Variants in TLN2 observed in about 807,000 individuals in gnomAD.
The protein encoded by TLN2 is talin 2.
Under a neutral mutation model 294.7 loss-of-function variants are expected in TLN2, and 118 were observed. That is an observed-to-expected ratio of 0.40 (90% CI 0.34 to 0.47). The LOEUF is 0.47. Ranked by LOEUF, TLN2 falls within the 20% of genes least tolerant of loss-of-function variation. The pLI, the probability that TLN2 is intolerant of heterozygous loss-of-function variation, is 0.84. For synonymous variants in TLN2, 1,431 were observed against 1,304.5 expected, an observed-to-expected ratio of 1.10 and a Z score of -2.09; for missense variants, 3,083 against 3,282.2, an observed-to-expected ratio of 0.94 and a Z score of 1.48.
At chr15:62,687,235 A>G (rs1405756481) in intron 12 of TLN2, among the ~76,000 whole-genome samples, 1 of 152,244 alleles carries the variant, frequency 6.6e-6, no homozygotes, top group African/African-American at 2.4e-5. Flanking sequence ...AAGAGAGCAT[A>G]GTACACAGTG....
intron 42 of TLN2, among the ~76,000 whole-genome samples, chr15:62,775,164 G>A (rs2063623059): frequency 6.6e-6 from 1 of 152,024 alleles, no homozygotes; most frequent in East Asian, 1.9e-4. Context: ...CACTGTGTTA[G>A]CCAGGATGGT....
intron 1 of TLN2, among the ~76,000 whole-genome samples, chr15:62,551,117 G>A (rs2140555315): frequency 6.6e-6 from 1 of 152,198 alleles, no homozygotes; most frequent in African/African-American, 2.4e-5. Context: ...TCACAATAGG[G>A]TTTGCAATCC....
intron 54 of TLN2, chr15:62,831,223 T>C (rs1004909064): frequency 5.9e-5 from 9 of 151,932 alleles, no homozygotes; most frequent in African/African-American, 1.7e-4. Flanking sequence ...TTCCACACTG[T>C]AAAGTGGACT....
chr15:62,747,621 T>C (rs573941136), intron 32 of TLN2, among the ~76,000 whole-genome samples: 139 of 152,334 alleles, frequency 9.1e-4, no homozygotes, highest in African/African-American at 3.2e-3. Context: ...GAATTCTTTC[T>C]TATGAATGTA....
At chr15:62,725,288 T>C (rs541852145) in intron 27 of TLN2, among the ~76,000 whole-genome samples, 184 bp downstream of exon 27, 1 of 152,330 alleles carries the variant, frequency 6.6e-6, no homozygotes, top group East Asian at 1.9e-4. Context: ...AGCGCTGGAT[T>C]CTACACTCAG....
intron 1 of TLN2, among the ~76,000 whole-genome samples, chr15:62,514,481 G>C (rs1408981877): frequency 6.6e-6 from 1 of 152,182 alleles, no homozygotes; most frequent in African/African-American, 2.4e-5. Context: ...AGGCAGATGA[G>C]CTTGTTTGAT....
Position 62,825,816 on chromosome 15 carries a change from TA to T in TLN2, c.7002+5208del, listed in dbSNP as rs1377300135. ...ATAATATATATTATATATTATATTATAATATATATTATAATATATAATATAT... is the reference window on the plus strand; with the variant it reads ...ATAATATATATTATATATTATATTATATATATATTATAATATATAATATAT... On this transcript the variant is annotated intron_variant, in intron 54 of 58. Transcript: ENST00000636159. Among the ~76,000 whole-genome samples the T allele has an allele frequency of 7.7e-4, 16 of 20,734 alleles. 1 individual carries two copies. The highest frequency in any genetic ancestry group is 3.5e-3 in the African/African-American group (13 of 3,724). The allele number at this position is 20,734 out of a possible 152,430, so 13.6% of individuals were successfully genotyped here.
chr15:62,786,923 C>G (rs368601440), intron 45 of TLN2, among the ~76,000 whole-genome samples: 1 of 152,202 alleles, frequency 6.6e-6, no homozygotes, highest in East Asian at 1.9e-4. Context: ...TATTTTGAGC[C>G]GGGGTCTCAC....
At chr15:62,619,250 A>T (rs1201762111) in intron 3 of TLN2, among the ~76,000 whole-genome samples, 1 of 152,186 alleles carries the variant, frequency 6.6e-6, no homozygotes, top group Non-Finnish European at 1.5e-5. Context: ...TTTGGCTCTG[A>T]TGACACAGCT....
rs147015673 is a variant in TLN2, at chr15:62,678,768, T to C, written c.957+3447T>C. On this transcript the variant is annotated intron_variant, in intron 11 of 58. Coordinates refer to ENST00000636159, the MANE Select transcript of TLN2 (RefSeq NM_015059.3). ...ATCGTTTGAACCTGGGAGGCAGAGGTTGCAGTTAGCCAAAATTGCACTACT... is the reference window on the plus strand; with the variant it reads ...ATCGTTTGAACCTGGGAGGCAGAGGCTGCAGTTAGCCAAAATTGCACTACT... Among the ~76,000 whole-genome samples, 3 of 152,276 alleles carry C rather than the reference T, an allele frequency of 2.0e-5. No homozygotes were observed. In the East Asian group the frequency reaches 5.8e-4, roughly 29 times the overall value.
intron 37 of TLN2, among the ~76,000 whole-genome samples, chr15:62,760,363 T>C (rs1472433052): frequency 6.6e-6 from 1 of 152,174 alleles, no homozygotes; most frequent in Non-Finnish European, 1.5e-5. Context: ...GGTGGCTGCC[T>C]CCTCTTGCTC....
chr15:62,836,753 A>C (rs1455526287), intron 57 of TLN2, among the ~76,000 whole-genome samples: 1 of 152,230 alleles, frequency 6.6e-6, no homozygotes, highest in Non-Finnish European at 1.5e-5. Context: ...GAAAAAAATC[A>C]CACAGCCCCA....
chr15:62,694,014 G>A (rs2058137178), intron 13 of TLN2, among the ~76,000 whole-genome samples: 1 of 143,862 alleles, frequency 7.0e-6, no homozygotes, highest in Non-Finnish European at 1.5e-5. Context: ...AGTCGCCCAG[G>A]CTGGAGTGCA....
intron 1 of TLN2, among the ~76,000 whole-genome samples, chr15:62,568,990 G>T (rs1272260252): frequency 2.0e-5 from 3 of 152,152 alleles, no homozygotes; most frequent in Non-Finnish European, 4.4e-5. Context: ...CAGGGTGTCT[G>T]TCGGGCCATG....
At chr15:62,698,248 G>C (rs1367925843) in intron 15 of TLN2, among the ~76,000 whole-genome samples, 1 of 152,230 alleles carries the variant, frequency 6.6e-6, no homozygotes, top group Non-Finnish European at 1.5e-5. Flanking sequence ...GTGCTGGTCT[G>C]TCCGGCTCAG....
At chr15:62,649,688 C>G (rs1332513711) in intron 4 of TLN2, among the ~76,000 whole-genome samples, 1 of 152,126 alleles carries the variant, frequency 6.6e-6, no homozygotes, top group East Asian at 1.9e-4. Context: ...TGGCCTTGGG[C>G]ATAGGTGGTC....
At chr15:62,772,893 A>T (rs1249538005) in intron 42 of TLN2, among the ~76,000 whole-genome samples, 1 of 151,756 alleles carries the variant, frequency 6.6e-6, no homozygotes, top group Non-Finnish European at 1.5e-5. Flanking sequence ...TGAACTCCTG[A>T]CCTCAGGTGA....
intron 42 of TLN2, among the ~76,000 whole-genome samples, chr15:62,773,030 T>G (rs1306684897): frequency 6.6e-6 from 1 of 152,120 alleles, no homozygotes; most frequent in Non-Finnish European, 1.5e-5. Context: ...GATGGAATTT[T>G]ATTTTCTCTC....
intron 1 of TLN2, among the ~76,000 whole-genome samples, chr15:62,431,748 C>T (rs554001211): frequency 2.6e-5 from 4 of 152,314 alleles, no homozygotes; most frequent in East Asian, 1.9e-4. Context: ...TGGCATCAGT[C>T]GTTCCTCAAA....
Sources: gnomAD v4.1 joint callset for allele counts (sites outside exome capture counted in the v4.1 genomes callset) on GRCh38, gnomAD v4.1.1 for gene constraint, MANE v1.5 for transcripts, NCBI Gene and HGNC (gene_info 2026-07-23, HGNC 2026-07-21) for gene names.